LRP1B: variants seen among roughly 807,000 people sequenced by gnomAD.
The protein encoded by LRP1B is low-density lipoprotein receptor-related protein 1B.
LRP1B carries 217 observed loss-of-function variants against 556.6 expected under a neutral mutation model. That is an observed-to-expected ratio of 0.39 (90% CI 0.35 to 0.44). The LOEUF is 0.44. LRP1B is among the 20% of genes least tolerant of loss of function. LRP1B has a pLI of 1.00. For synonymous variants in LRP1B, 2,047 were observed against 1,865.8 expected, an observed-to-expected ratio of 1.10 and a Z score of -2.50; for missense variants, 5,053 against 5,620.8, an observed-to-expected ratio of 0.90 and a Z score of 3.23.
rs371622923 is a variant in LRP1B at position 140,432,337 on chromosome 2, G to A, written c.10414+10167C>T. On this transcript the variant is annotated intron_variant, in intron 66 of 90. Coordinates refer to ENST00000389484, the MANE Select transcript of LRP1B (RefSeq NM_018557.3). ...TCGGACTCAGCCCGCCTGCACCCAG[G>A]TGAAACAAACAGCCTTGTTGCTCAC... 3.4e-4 allele frequency among the ~76,000 whole-genome samples: 52 copies of A among 152,276 alleles called. No individual in the cohort carries two copies. In the South Asian group the frequency reaches 0.011, roughly 31 times the overall value.
At chr2:141,275,480 G>A (rs1043763175) in intron 3 of LRP1B, among the ~76,000 whole-genome samples, 23 of 152,102 alleles carry the variant, frequency 1.5e-4, no homozygotes, top group Non-Finnish European at 8.8e-5. Context: ...CGGCCAAGGC[G>A]AGTGAATTGC....
intron 41 of LRP1B, among the ~76,000 whole-genome samples, chr2:140,671,842 C>T (rs1328209065): frequency 2.6e-5 from 4 of 152,072 alleles, no homozygotes; most frequent in African/African-American, 4.8e-5. Flanking sequence ...CTTTTGGGAG[C>T]CATCATTTGA....
At chr2:141,886,469 T>C (rs1699117310) in intron 1 of LRP1B, among the ~76,000 whole-genome samples, 1 of 152,172 alleles carries the variant, frequency 6.6e-6, no homozygotes, top group African/African-American at 2.4e-5. Context: ...ACTCCCTATA[T>C]ATTTCATCTT....
chr2:141,241,390 A>AAGCACAC (rs1683871987), intron 5 of LRP1B, among the ~76,000 whole-genome samples: 1 of 152,110 alleles, frequency 6.6e-6, no homozygotes, highest in Non-Finnish European at 1.5e-5. Context: ...TTTTCACAGC[A>AAGCACAC]AGCACACAGC....
intron 2 of LRP1B, among the ~76,000 whole-genome samples, chr2:141,647,741 T>C (rs1689633050): frequency 1.3e-5 from 2 of 150,014 alleles, no homozygotes; most frequent in African/African-American, 2.4e-5. Flanking sequence ...AGTAGCTTAA[T>C]AGTAGTTTTT....
At position 141,797,189 on chromosome 2, in the gene LRP1B, C is replaced by CTATATATA. The variant is rs1441815155; in HGVS notation, c.205+13082_205+13089dup. Among the ~76,000 whole-genome samples, 162 of 59,004 alleles carry CTATATATA rather than the reference C, an allele frequency of 2.7e-3. 2 individuals carry two copies. Among genetic ancestry groups the CTATATATA allele is most frequent in the African/African-American group, 0.011 (155 of 14,128 alleles). 38.7% of individuals were successfully genotyped at this position (59,004 alleles called of 152,430 possible). A position where few individuals can be genotyped will look rare whatever the true frequency, so the allele number is the denominator to read the frequency against. On this transcript the variant is annotated intron_variant, in intron 2 of 90. Coordinates refer to ENST00000389484, the MANE Select transcript of LRP1B (RefSeq NM_018557.3). ...TATATATATATATATATATATATAA[C>CTATATATA]TATATATATCTTCAGGGAATTCAAG...
chr2:141,880,117 C>A (rs1394683712), intron 1 of LRP1B, among the ~76,000 whole-genome samples: 2 of 152,096 alleles, frequency 1.3e-5, no homozygotes, highest in East Asian at 3.9e-4. Context: ...TCTCCATATT[C>A]TCTCCATTCT....
At chr2:141,468,972 C>A (rs1439343702) in intron 3 of LRP1B, among the ~76,000 whole-genome samples, 1 of 152,162 alleles carries the variant, frequency 6.6e-6, no homozygotes, top group Non-Finnish European at 1.5e-5. Flanking sequence ...TTTTTTACAA[C>A]CACAGTGGGT....
At position 140,393,510 on chromosome 2, in the gene LRP1B, G is replaced by T. The variant is rs142279757; in HGVS notation, c.10415-7501C>A. 4.7e-3 allele frequency among the ~76,000 whole-genome samples: 685 copies of T among 145,894 alleles called. 7 individuals are homozygous for T. The highest frequency in any genetic ancestry group is 0.017 in the African/African-American group (655 of 39,168). On this transcript the variant is annotated intron_variant, in intron 66 of 90. Coordinates refer to ENST00000389484, the MANE Select transcript of LRP1B (RefSeq NM_018557.3). ...TTAGAGTAAAATTAGGAAGAGGACT[G>T]TAATTTGGGGATTAAGAGATATTGG...
intron 81 of LRP1B, among the ~76,000 whole-genome samples, chr2:140,322,817 T>G (rs1402473477): frequency 1.3e-5 from 2 of 152,000 alleles, no homozygotes; most frequent in Non-Finnish European, 2.9e-5. Context: ...GAGAGTGGCT[T>G]TTTTTCTGGA....
chr2:141,355,160 T>A (rs1200095011), intron 3 of LRP1B, among the ~76,000 whole-genome samples: 1 of 152,100 alleles, frequency 6.6e-6, no homozygotes, highest in Non-Finnish European at 1.5e-5. Flanking sequence ...CTAAGTGAAT[T>A]GAACAGAAAA....
At chr2:140,931,090 T>C (rs1695034698) in intron 20 of LRP1B, among the ~76,000 whole-genome samples, 1 of 152,128 alleles carries the variant, frequency 6.6e-6, no homozygotes, top group Admixed American at 6.6e-5. Context: ...GGATTGGTGA[T>C]TGTCCTGCTC....
intron 2 of LRP1B, among the ~76,000 whole-genome samples, chr2:141,515,172 C>T (rs1339517097): frequency 2.6e-5 from 4 of 152,056 alleles, no homozygotes; most frequent in East Asian, 3.9e-4. Flanking sequence ...TGTGGTGGTG[C>T]ATGCCTGTAA....
At chr2:140,602,346 T>C (rs1682705513) in intron 41 of LRP1B, among the ~76,000 whole-genome samples, 1 of 152,104 alleles carries the variant, frequency 6.6e-6, no homozygotes, top group Non-Finnish European at 1.5e-5. Context: ...TTTCTTAAAA[T>C]TGTATTCCCA....
intron 46 of LRP1B, among the ~76,000 whole-genome samples, chr2:140,535,056 G>A (rs7569306): frequency 2.6e-5 from 4 of 151,922 alleles, no homozygotes; most frequent in South Asian, 2.1e-4. Flanking sequence ...GACTGTTTTC[G>A]TATGGCTCTG....
At chr2:141,510,301 G>A (rs572714476) in intron 2 of LRP1B, among the ~76,000 whole-genome samples, 2 of 149,254 alleles carry the variant, frequency 1.3e-5, no homozygotes, top group Non-Finnish European at 3.0e-5. Flanking sequence ...AAATACATAC[G>A]AAATTTAATA....
chr2:141,829,606 C>G (rs1023697243), intron 1 of LRP1B, among the ~76,000 whole-genome samples: 1 of 151,994 alleles, frequency 6.6e-6, no homozygotes, highest in Non-Finnish European at 1.5e-5. Flanking sequence ...GGATAAGTGG[C>G]AAGTTTGAGA....
intron 2 of LRP1B, among the ~76,000 whole-genome samples, chr2:141,712,505 C>T (rs1197405236): frequency 6.6e-6 from 1 of 152,102 alleles, no homozygotes; most frequent in Non-Finnish European, 1.5e-5. Context: ...CACCATTGAT[C>T]TCCCTTTATA....
chr2:141,028,232 C>T (rs1351162508), intron 11 of LRP1B, among the ~76,000 whole-genome samples: 2 of 151,372 alleles, frequency 1.3e-5, no homozygotes, highest in African/African-American at 4.8e-5. Flanking sequence ...TATTTTATAA[C>T]AATTGTGGTA....
Sources: gnomAD v4.1 joint callset for allele counts (sites outside exome capture counted in the v4.1 genomes callset) on GRCh38, gnomAD v4.1.1 for gene constraint, MANE v1.5 for transcripts, NCBI Gene and HGNC (gene_info 2026-07-23, HGNC 2026-07-21) for gene names.